ATG13: variants seen among roughly 807,000 people sequenced by gnomAD.
The protein encoded by ATG13 is autophagy related 13.
ATG13 carries 23 observed loss-of-function variants against 65.5 expected under a neutral mutation model. The ratio of observed to expected loss-of-function variants is 0.35; its 90% CI spans 0.25 to 0.50. The LOEUF is 0.50. Among genes scored for constraint, ATG13 ranks in the 20% least tolerant of loss-of-function variants. The probability of loss-of-function intolerance (pLI) is 0.98; values close to 1 mark genes in which losing one functional copy is unlikely to be tolerated. For synonymous variants in ATG13, 252 were observed against 245.2 expected (o/e 1.03, Z -0.26); for missense variants, 566 against 677.0 (o/e 0.84, Z 1.82).
intron 11 of ATG13, among the ~76,000 whole-genome samples, chr11:46,661,959 G>A (rs1278780698): frequency 1.3e-5 from 2 of 152,232 alleles, no homozygotes; most frequent in African/African-American, 4.8e-5. Flanking sequence ...TTGGGTGAAA[G>A]AGATTCTTGT....
At chr11:46,636,781 T>C (rs1245921294) in intron 2 of ATG13, among the ~76,000 whole-genome samples, 2 of 151,856 alleles carry the variant, frequency 1.3e-5, no homozygotes, top group East Asian at 3.9e-4. Flanking sequence ...GATACAGTTT[T>C]TTTTTTTCTT....
At position 46,653,576 on chromosome 11, in the gene ATG13, T is replaced by G. The variant is rs192613794; in HGVS notation, c.459-2657T>G. Among the ~76,000 whole-genome samples the G allele has an allele frequency of 7.8e-3, 1,182 of 151,964 alleles. 22 individuals are homozygous for G. Among genetic ancestry groups the G allele is most frequent in the African/African-American group, 0.026 (1,077 of 41,518 alleles). ...CTAACCATGAAGCTTCTTTTTTTTTTTTTTGTTTTTTGAGACGGAGTCTCG... is the reference window on the plus strand; with the variant it reads ...CTAACCATGAAGCTTCTTTTTTTTTGTTTTGTTTTTTGAGACGGAGTCTCG... On this transcript the variant is annotated intron_variant, in intron 7 of 18. Coordinates refer to ENST00000683050, the MANE Select transcript of ATG13 (RefSeq NM_001346311.2).
At chr11:46,672,179 C>T in intron 18 of ATG13, 76 bp from the exon 19 acceptor site, 2 of 1,605,622 alleles carry the variant, frequency 1.2e-6, no homozygotes, top group Non-Finnish European at 8.5e-7. Context: ...TGCTGCCTCC[C>T]CTCTTCGGGA....
At chr11:46,650,963 C>A (rs750557553) in intron 7 of ATG13, among the ~76,000 whole-genome samples, 1 of 152,102 alleles carries the variant, frequency 6.6e-6, no homozygotes, top group Non-Finnish European at 1.5e-5. Flanking sequence ...TTTCTGTATT[C>A]CAGGGTTAAA....
chr11:46,620,062 A>G (rs2046955235), intron 1 of ATG13, among the ~76,000 whole-genome samples: 1 of 150,554 alleles, frequency 6.6e-6, no homozygotes, highest in Admixed American at 6.6e-5. Flanking sequence ...GAGGACCAAT[A>G]TAGGTTACAT....
chr11:46,645,514 A>AAATG, intron 4 of ATG13, 95 bp downstream of exon 4: 6 of 1,031,756 alleles, frequency 5.8e-6, no homozygotes, highest in Non-Finnish European at 8.5e-6. Context: ...TACCATTTAT[A>AAATG]GTATTATAAA....
intron 11 of ATG13, among the ~76,000 whole-genome samples, chr11:46,660,799 C>T (rs952751055): frequency 2.4e-4 from 36 of 151,862 alleles, no homozygotes; most frequent in African/African-American, 8.5e-4. Context: ...GCCTAGACCT[C>T]CCAGGGTCAG....
chr11:46,656,184 C>A (rs4474394), intron 7 of ATG13, 49 bp from the exon 8 acceptor site: 1 of 1,565,942 alleles, frequency 6.4e-7, no homozygotes, highest in Non-Finnish European at 8.8e-7. Context: ...TATAGAGGCC[C>A]TTAGGAGTAA....
rs1263180562 is a variant in ATG13, at chr11:46,665,835, C to G, written c.1136+316C>G. ...TTTTTTTTTTTTGGAGACAGAGTCT[C>G]ACTCTGTTGCCTAGGCTGAAGTGCA... On this transcript the variant is annotated intron_variant, in intron 14 of 18. Coordinates refer to ENST00000683050, the MANE Select transcript of ATG13 (RefSeq NM_001346311.2). Among the ~76,000 whole-genome samples, 12 of 120,440 alleles carry G rather than the reference C, an allele frequency of 1.0e-4. No individual in the cohort carries two copies. The Admixed American group carries it at 1.2e-3, about 12-fold the overall frequency. The allele number at this position is 120,440 out of a possible 152,430, so 79.0% of individuals were successfully genotyped here. A position where few individuals can be genotyped will look rare whatever the true frequency, so the allele number is the denominator to read the frequency against.
intron 5 of ATG13, among the ~76,000 whole-genome samples, chr11:46,647,071 C>T (rs561707235): frequency 6.4e-4 from 98 of 152,210 alleles, no homozygotes; most frequent in African/African-American, 2.3e-3. Flanking sequence ...ATTCCAACCA[C>T]TTGGTATAGG....
chr11:46,651,371 A>AGTGAGG (rs1273159152), intron 7 of ATG13, among the ~76,000 whole-genome samples: 2 of 152,228 alleles, frequency 1.3e-5, no homozygotes, highest in South Asian at 4.1e-4. Flanking sequence ...AGCTGGTAAA[A>AGTGAGG]GTGAGGGAGA....
At chr11:46,638,598 TC>T (rs1349181256) in intron 2 of ATG13, 1 of 152,140 alleles carries the variant, frequency 6.6e-6, no homozygotes, top group East Asian at 1.9e-4. Flanking sequence ...ACACCCTACT[TC>T]CCCATCCTCT....
chr11:46,654,375 G>T (rs1204435386), intron 7 of ATG13, among the ~76,000 whole-genome samples: 1 of 148,842 alleles, frequency 6.7e-6, no homozygotes, highest in African/African-American at 2.5e-5. Context: ...GGTCAGGTAT[G>T]GTGGCTCATG....
intron 18 of ATG13, among the ~76,000 whole-genome samples, chr11:46,669,956 C>T (rs560411910): frequency 1.3e-5 from 2 of 152,266 alleles, no homozygotes; most frequent in Admixed American, 6.5e-5. Flanking sequence ...TAGCAGTTCT[C>T]ACACTTGACC....
In ATG13 at chr11:46,657,939, C is replaced by A. The variant is rs147571048; in HGVS notation, c.695+317C>A. Among the ~76,000 whole-genome samples the A allele has an allele frequency of 7.3e-3, 1,107 of 152,212 alleles. 13 individuals are homozygous for A. Among genetic ancestry groups the A allele is most frequent in the African/African-American group, 0.025 (1,050 of 41,536 alleles). Reference sequence around the variant, plus strand: ...CAAAAATTAGCTGGGCATGCCAGCACATGCCTATAATCCCAGCTACTCAGG... The same window carrying A: ...CAAAAATTAGCTGGGCATGCCAGCAAATGCCTATAATCCCAGCTACTCAGG... On this transcript the variant is annotated intron_variant, in intron 10 of 18. Coordinates refer to ENST00000683050, the MANE Select transcript of ATG13 (RefSeq NM_001346311.2).
chr11:46,664,073 C>T lies in ATG13; in HGVS notation c.866C>T (p.Ala289Val). 1 of 1,596,612 alleles carries T rather than the reference C, an allele frequency of 6.3e-7. No individual in the cohort carries two copies. The highest frequency in any genetic ancestry group is 8.5e-7 in the Non-Finnish European group (1 of 1,179,238). ...VVTDTLRVPMAGLAFSHQLSS... is the reference protein window; with the variant it reads ...VVTDTLRVPMVGLAFSHQLSS... ...ACGGACACCCTGAGGGTCCCCATGG[C>T]AGGACTGGCCTTTTCCCATCAAGTG... Residue 289 changes from alanine (A) to valine (V), a missense_variant, in exon 12 of 19, where the codon GCA becomes GTA. Physicochemically the swap from Ala to Val is moderately conservative, Grantham distance 64. Transcript: ENST00000683050.
intron 8 of ATG13, among the ~76,000 whole-genome samples, chr11:46,656,720 T>C (rs2060114455): frequency 6.6e-6 from 1 of 152,226 alleles, no homozygotes; most frequent in Admixed American, 6.5e-5. Flanking sequence ...GACATTCTAG[T>C]GCTCCTTCAT....
rs147563838 is a variant in ATG13 at position 46,645,392 on chromosome 11, A to G, written c.123A>G (p.Ser41=). 1 of 1,613,910 alleles carries G rather than the reference A, an allele frequency of 6.2e-7. No individual in the cohort carries two copies. The highest frequency in any genetic ancestry group is 1.7e-5 in the Admixed American group (1 of 59,990). ...ARLGEKICTR[S]SSSPTGSDWF... is the part of the protein sequence containing the mutation. ...TTGGTGAAAAGATTTGCACTCGTTC[A>G]TCATCTTCTCCAACGGGTTCAGATT... Residue 41 remains serine, a synonymous_variant, in exon 4 of 19, where the codon TCA becomes TCG. Coordinates refer to ENST00000683050, the MANE Select transcript of ATG13 (RefSeq NM_001346311.2).
intron 2 of ATG13, among the ~76,000 whole-genome samples, chr11:46,642,226 C>T (rs1307123561): frequency 2.0e-5 from 3 of 151,762 alleles, no homozygotes; most frequent in Admixed American, 6.6e-5. Flanking sequence ...ATGTTTAAAA[C>T]TCTGCTACTC....
Sources: gnomAD v4.1 joint callset for allele counts (sites outside exome capture counted in the v4.1 genomes callset) on GRCh38, gnomAD v4.1.1 for gene constraint, MANE v1.5 for transcripts, NCBI Gene and HGNC (gene_info 2026-07-23, HGNC 2026-07-21) for gene names.